CNTNAP2: variants seen among roughly 807,000 people sequenced by gnomAD.
CNTNAP2 encodes contactin associated protein 2.
A neutral mutation model predicts 155.2 loss-of-function variants in CNTNAP2; 98 were observed. The observed-to-expected ratio is 0.63, with a 90% confidence interval of 0.54 to 0.75. The LOEUF is 0.75. Ranked by LOEUF, CNTNAP2 falls within the 30% of genes least tolerant of loss-of-function variation. The pLI is 0.00. For missense variants in CNTNAP2, 1,727 were observed against 1,688.1 expected (o/e 1.02, Z -0.40); for synonymous variants, 651 against 631.2 (o/e 1.03, Z -0.47).
chr7:148,121,384 T>C (rs762029923), intron 16 of CNTNAP2, among the ~76,000 whole-genome samples: 1 of 152,140 alleles, frequency 6.6e-6, no homozygotes, highest in Non-Finnish European at 1.5e-5. Flanking sequence ...TCCTGAGACA[T>C]TGGGTAGAGA....
intron 1 of CNTNAP2, among the ~76,000 whole-genome samples, chr7:146,724,207 A>G (rs1022222740): frequency 2.6e-5 from 4 of 152,156 alleles, no homozygotes; most frequent in African/African-American, 9.7e-5. Flanking sequence ...AACAATTTTC[A>G]GTCATCTGTA....
chr7:147,820,267 C>T (rs1489515719), intron 13 of CNTNAP2, among the ~76,000 whole-genome samples: 1 of 151,950 alleles, frequency 6.6e-6, no homozygotes. Flanking sequence ...ATTCTGGGCA[C>T]TGTTTTATTT....
intron 21 of CNTNAP2, among the ~76,000 whole-genome samples, chr7:148,274,177 T>C (rs780262644): frequency 3.1e-4 from 47 of 152,162 alleles, no homozygotes; most frequent in Non-Finnish European, 5.9e-4. Context: ...ATTTTTTCCG[T>C]AAGCCTGGGT....
At chr7:148,363,016 T>A (rs2116621378) in intron 21 of CNTNAP2, among the ~76,000 whole-genome samples, 1 of 152,300 alleles carries the variant, frequency 6.6e-6, no homozygotes, top group South Asian at 2.1e-4. Flanking sequence ...GTTTCGCTTT[T>A]TGTTGCCCAG....
At chr7:147,329,365 TTTATAA>T (rs1346377151) in intron 9 of CNTNAP2, among the ~76,000 whole-genome samples, 4 of 151,988 alleles carry the variant, frequency 2.6e-5, no homozygotes, top group African/African-American at 9.7e-5. Context: ...AGTATTATAA[TTTATAA>T]TTATACATTC....
chr7:147,947,827 A>G (rs760407911), intron 14 of CNTNAP2, among the ~76,000 whole-genome samples: 5 of 151,982 alleles, frequency 3.3e-5, no homozygotes, highest in Non-Finnish European at 7.4e-5. Flanking sequence ...AGCCCCAAGA[A>G]CTCCTCACAA....
At chr7:146,394,091 A>G (rs772385103) in intron 1 of CNTNAP2, among the ~76,000 whole-genome samples, 3 of 152,142 alleles carry the variant, frequency 2.0e-5, no homozygotes, top group Non-Finnish European at 2.9e-5. Flanking sequence ...TGGCTGACCC[A>G]TGGCAATTTG....
At chr7:147,756,734 A>G (rs1021605698) in intron 13 of CNTNAP2, among the ~76,000 whole-genome samples, 3 of 152,248 alleles carry the variant, frequency 2.0e-5, no homozygotes, top group Non-Finnish European at 4.4e-5. Flanking sequence ...CATCAGTATT[A>G]TAACTGTAGG....
In CNTNAP2 at chr7:148,411,851, A is replaced by ATG. The variant is rs148431158; in HGVS notation, c.3796+2400_3796+2401dup. 7.3e-3 allele frequency among the ~76,000 whole-genome samples: 1,086 copies of ATG among 147,842 alleles called. 5 individuals are homozygous for ATG. The highest frequency in any genetic ancestry group is 0.024 in the South Asian group (116 of 4,736). ...GCACTTTTGTTAAAGCAACTGACATATGTGTGTGTGTGTGTGTGTGTCTAT... is the reference window on the plus strand; with the variant it reads ...GCACTTTTGTTAAAGCAACTGACATATGTGTGTGTGTGTGTGTGTGTGTCTAT... On this transcript the variant is annotated intron_variant, in intron 23 of 23. Transcript: ENST00000361727.
intron 1 of CNTNAP2, among the ~76,000 whole-genome samples, chr7:146,741,023 T>C (rs1387619814): frequency 6.6e-6 from 1 of 151,564 alleles, no homozygotes; most frequent in Non-Finnish European, 1.5e-5. Flanking sequence ...TGGTGCAGAG[T>C]TTTCCTGTGA....
At chr7:147,861,658 G>C (rs931935828) in intron 13 of CNTNAP2, among the ~76,000 whole-genome samples, 1 of 152,078 alleles carries the variant, frequency 6.6e-6, no homozygotes, top group African/African-American at 2.4e-5. Context: ...ACTAAGAGAA[G>C]GCAACGCTGG....
At chr7:146,687,188 T>A (rs540348356) in intron 1 of CNTNAP2, among the ~76,000 whole-genome samples, 1 of 152,144 alleles carries the variant, frequency 6.6e-6, no homozygotes, top group East Asian at 1.9e-4. Context: ...ACAGAACTTA[T>A]CAAAACTAGT....
intron 14 of CNTNAP2, among the ~76,000 whole-genome samples, chr7:147,953,040 C>T (rs1800961849): frequency 6.6e-6 from 1 of 152,076 alleles, no homozygotes; most frequent in Admixed American, 6.6e-5. Flanking sequence ...TGAGTTTTCC[C>T]CAATCTTACA....
chr7:147,052,673 G>A (rs1236556525), intron 4 of CNTNAP2, among the ~76,000 whole-genome samples: 2 of 151,682 alleles, frequency 1.3e-5, no homozygotes, highest in African/African-American at 4.8e-5. Flanking sequence ...TTTTGAGGCT[G>A]CTTCATGGGT....
intron 1 of CNTNAP2, among the ~76,000 whole-genome samples, chr7:146,505,766 C>T (rs531670960): frequency 3.9e-5 from 6 of 152,236 alleles, no homozygotes; most frequent in Non-Finnish European, 5.9e-5. Flanking sequence ...TTACCATTGT[C>T]CCCATACCTG....
At chr7:146,911,719 G>A (rs1796285636) in intron 3 of CNTNAP2, among the ~76,000 whole-genome samples, 1 of 151,660 alleles carries the variant, frequency 6.6e-6, no homozygotes, top group African/African-American at 2.4e-5. Flanking sequence ...TGACAAGTTA[G>A]TGGGTGCAGC....
At chr7:147,748,738 C>T (rs1232469168) in intron 13 of CNTNAP2, among the ~76,000 whole-genome samples, 1 of 152,172 alleles carries the variant, frequency 6.6e-6, no homozygotes, top group Non-Finnish European at 1.5e-5. Context: ...ATGGGCCCAT[C>T]TTGGGTCCCA....
chr7:147,992,898 T>C (rs546937678), intron 15 of CNTNAP2, among the ~76,000 whole-genome samples: 52 of 152,376 alleles, frequency 3.4e-4, no homozygotes, highest in Non-Finnish European at 6.6e-4. Context: ...TTAATTCAAT[T>C]TGGTAGATTA....
chr7:147,710,938 C>G (rs1403969454), intron 13 of CNTNAP2, among the ~76,000 whole-genome samples: 1 of 152,166 alleles, frequency 6.6e-6, no homozygotes, highest in Non-Finnish European at 1.5e-5. Flanking sequence ...CTCTAGGACT[C>G]TCAGATGAAG....
Sources: gnomAD v4.1 joint callset for allele counts (sites outside exome capture counted in the v4.1 genomes callset) on GRCh38, gnomAD v4.1.1 for gene constraint, MANE v1.5 for transcripts, NCBI Gene and HGNC (gene_info 2026-07-23, HGNC 2026-07-21) for gene names.